NUFIP1: variants seen among roughly 807,000 people sequenced by gnomAD.
NUFIP1 encodes FMR1-interacting protein NUFIP1.
Under a neutral mutation model 56.2 loss-of-function variants are expected in NUFIP1, and 38 were observed. The observed-to-expected ratio is 0.68, with a 90% CI of 0.52 to 0.89. NUFIP1 has a LOEUF of 0.89. NUFIP1 is among the 40% of genes least tolerant of loss of function. The probability of loss-of-function intolerance (pLI) is 0.00; values close to 1 mark genes in which losing one functional copy is unlikely to be tolerated. For synonymous variants in NUFIP1, 215 were observed against 212.4 expected (o/e 1.01, Z -0.10); for missense variants, 567 against 605.8 (o/e 0.94, Z 0.67).
At chr13:44,964,921 G>A (rs1871547236) in intron 6 of NUFIP1, among the ~76,000 whole-genome samples, 1 of 152,184 alleles carries the variant, frequency 6.6e-6, no homozygotes, top group African/African-American at 2.4e-5. Context: ...GATCCAGAAG[G>A]ATGAAACCGT....
intron 6 of NUFIP1, among the ~76,000 whole-genome samples, chr13:44,960,838 G>T (rs568617961): frequency 6.6e-6 from 1 of 151,950 alleles, no homozygotes; most frequent in African/African-American, 2.4e-5. Flanking sequence ...CAAGGTGGGC[G>T]GATCACTTGA....
At chr13:44,944,188 C>T (rs901131863) in intron 8 of NUFIP1, among the ~76,000 whole-genome samples, 14 of 151,996 alleles carry the variant, frequency 9.2e-5, no homozygotes, top group Non-Finnish European at 1.5e-4. Flanking sequence ...TGAAAGTACA[C>T]GATGAAAAGT....
Position 44,981,810 on chromosome 13 carries a change from T to TA in NUFIP1, c.495+261dup, listed in dbSNP as rs577693150. Among the ~76,000 whole-genome samples, 386 of 150,510 alleles carry TA rather than the reference T, an allele frequency of 2.6e-3. 7 individuals carry two copies. The East Asian group carries it at 0.036, about 14-fold the overall frequency. ...CTGGGCGACAGAGTGAAACTCCATC[T>TA]AAAAAAAAATAAGGTAAAATAAAAG... is the stretch of plus-strand genomic sequence containing the variant. On this transcript the variant is annotated intron_variant, in intron 2 of 9. Transcript: ENST00000379161.
At chr13:44,972,444 C>A (rs1311342561) in intron 5 of NUFIP1, among the ~76,000 whole-genome samples, 1 of 152,134 alleles carries the variant, frequency 6.6e-6, no homozygotes, top group African/African-American at 2.4e-5. Context: ...GATGTTGCTG[C>A]AAAAGTATGA....
chr13:44,974,071 T>C (rs1049729564), intron 5 of NUFIP1, among the ~76,000 whole-genome samples: 51 of 152,262 alleles, frequency 3.3e-4, no homozygotes, highest in Admixed American at 1.8e-3. Context: ...TACACAGTCA[T>C]CTACATAACT....
chr13:44,973,877 T>C (rs1474865822), intron 5 of NUFIP1, among the ~76,000 whole-genome samples: 3 of 152,134 alleles, frequency 2.0e-5, no homozygotes, highest in Admixed American at 2.0e-4. Context: ...GTATGAGATA[T>C]GATAAATAAC....
At chr13:44,971,724 A>G (rs1871810245) in intron 5 of NUFIP1, among the ~76,000 whole-genome samples, 1 of 152,188 alleles carries the variant, frequency 6.6e-6, no homozygotes. Context: ...TTTCCCAGTG[A>G]AAAGGGGGGA....
chr13:44,956,993 T>C (rs1002182534), intron 7 of NUFIP1, among the ~76,000 whole-genome samples: 3 of 152,196 alleles, frequency 2.0e-5, no homozygotes, highest in Admixed American at 6.5e-5. Context: ...AATTTGATCA[T>C]TGGCATTGTG....
chr13:44,959,937 T>TTC (rs1236123579), intron 6 of NUFIP1, among the ~76,000 whole-genome samples: 18 of 147,852 alleles, frequency 1.2e-4, no homozygotes, highest in South Asian at 8.5e-4. Context: ...TTTCTTCTCT[T>TTC]TTTTTTTTTT....
At chr13:44,960,422 T>C (rs1307171937) in intron 6 of NUFIP1, among the ~76,000 whole-genome samples, 1 of 150,292 alleles carries the variant, frequency 6.7e-6, no homozygotes, top group East Asian at 2.0e-4. Context: ...GCACCCACCA[T>C]CAGCCCGGCT....
intron 2 of NUFIP1, among the ~76,000 whole-genome samples, chr13:44,981,508 G>A (rs528830611): frequency 3.3e-5 from 5 of 152,224 alleles, no homozygotes; most frequent in South Asian, 2.1e-4. Flanking sequence ...TAACTGTTGC[G>A]TTGTTCAAGT....
At chr13:44,970,705 C>T (rs1871774775) in intron 5 of NUFIP1, among the ~76,000 whole-genome samples, 1 of 152,112 alleles carries the variant, frequency 6.6e-6, no homozygotes, top group South Asian at 2.1e-4. Context: ...GAGACAGTCT[C>T]ACTCTGTTGC....
chr13:44,980,606 A>AT, intron 3 of NUFIP1, 116 bp downstream of exon 3: 1 of 759,468 alleles, frequency 1.3e-6, no homozygotes. Context: ...TTGTCAAACT[A>AT]TATCTCTACA....
At chr13:44,988,995 G>A (rs199537355) in intron 1 of NUFIP1, 30 bp downstream of exon 1, 1 of 1,610,114 alleles carries the variant, frequency 6.2e-7, no homozygotes, top group African/African-American at 1.3e-5. Flanking sequence ...AAAAGGTAAA[G>A]GGGTCGACTC....
chr13:44,951,693 A>G (rs947468443), intron 7 of NUFIP1, among the ~76,000 whole-genome samples: 6 of 152,258 alleles, frequency 3.9e-5, no homozygotes, highest in African/African-American at 1.4e-4. Context: ...CAATCAAGTG[A>G]ATATGGCAAT....
intron 1 of NUFIP1, among the ~76,000 whole-genome samples, chr13:44,985,507 A>G (rs2137928708): frequency 6.6e-6 from 1 of 152,334 alleles, no homozygotes; most frequent in South Asian, 2.1e-4. Context: ...AAGCAGGTCT[A>G]TCAGCACCAT....
chr13:44,975,688 T>TGC (rs1298876981), intron 5 of NUFIP1, among the ~76,000 whole-genome samples: 4 of 152,198 alleles, frequency 2.6e-5, no homozygotes, highest in Admixed American at 6.5e-5. Context: ...CAGCTACCCC[T>TGC]GCCTTTGTCA....
chr13:44,960,097 A>G (rs1871371955), intron 6 of NUFIP1, among the ~76,000 whole-genome samples: 1 of 151,600 alleles, frequency 6.6e-6, no homozygotes, highest in Non-Finnish European at 1.5e-5. Flanking sequence ...ACACCCAGCT[A>G]ATTTTTGTAT....
Position 44,966,594 on chromosome 13 carries a change from C to A in NUFIP1, c.735-658G>T, listed in dbSNP as rs375975173. Among the ~76,000 whole-genome samples the A allele has an allele frequency of 2.2e-4, 34 of 152,138 alleles. No homozygotes were observed. The East Asian group carries it at 6.1e-3, about 27-fold the overall frequency. On this transcript the variant is annotated intron_variant, in intron 5 of 9. Coordinates refer to ENST00000379161, the MANE Select transcript of NUFIP1 (RefSeq NM_012345.3). ...CCTCCCCAAATGCTGGGATTACAGGCGTGAACCATCACGCCCGGCCAAGTC... is the reference window on the plus strand; with the variant it reads ...CCTCCCCAAATGCTGGGATTACAGGAGTGAACCATCACGCCCGGCCAAGTC...
Sources: allele counts gnomAD v4.1 joint callset (sites outside exome capture counted in the v4.1 genomes callset), GRCh38; gene constraint gnomAD v4.1.1; transcripts MANE v1.5; gene names NCBI Gene and HGNC (gene_info 2026-07-23, HGNC 2026-07-21).